The following RBMS1 variants were observed in gnomAD, a reference collection of about 807,000 sequenced individuals.
RBMS1 encodes the protein RNA-binding motif, single-stranded-interacting protein 1.
RBMS1 carries 17 observed loss-of-function variants against 62.3 expected under a neutral mutation model. That is an observed-to-expected ratio of 0.27 (90% confidence interval 0.19 to 0.41). RBMS1 has a LOEUF of 0.41. Ranked by LOEUF, RBMS1 falls within the 10% of genes least tolerant of loss-of-function variation. The pLI is 1.00. For synonymous variants in RBMS1, 172 were observed against 170.0 expected (o/e 1.01, Z -0.09); for missense variants, 334 against 504.5 (o/e 0.66, Z 3.24).
chr2:160,440,599 G>T (rs1683372626), intron 1 of RBMS1, among the ~76,000 whole-genome samples: 1 of 152,050 alleles, frequency 6.6e-6, no homozygotes, highest in African/African-American at 2.4e-5. Flanking sequence ...CTCTAAAATG[G>T]CCTCTCCGGT....
At chr2:160,465,861 CACAT>C (rs1345953937) in intron 1 of RBMS1, among the ~76,000 whole-genome samples, 9 of 112,892 alleles carry the variant, frequency 8.0e-5, no homozygotes, top group East Asian at 6.2e-4. Context: ...CACACACACA[CACAT>C]ACACACACAC....
intron 3 of RBMS1, among the ~76,000 whole-genome samples, chr2:160,315,441 G>A (rs1475673635): frequency 6.6e-6 from 1 of 152,136 alleles, no homozygotes; most frequent in East Asian, 1.9e-4. Flanking sequence ...AGGCTTCCCA[G>A]GAGAATTCCT....
intron 1 of RBMS1, among the ~76,000 whole-genome samples, chr2:160,395,486 T>C (rs1695089000): frequency 6.6e-6 from 1 of 151,716 alleles, no homozygotes; most frequent in African/African-American, 2.4e-5. Flanking sequence ...TAGCCGGGCG[T>C]GGTGGCGGGC....
chr2:160,359,134 T>C (rs1165052586), intron 2 of RBMS1, among the ~76,000 whole-genome samples: 1 of 152,142 alleles, frequency 6.6e-6, no homozygotes, highest in Non-Finnish European at 1.5e-5. Context: ...AGTTCTTCAA[T>C]TTGCTTGGAA....
intron 2 of RBMS1, among the ~76,000 whole-genome samples, chr2:160,326,615 A>G (rs920421258): frequency 6.6e-6 from 1 of 152,222 alleles, no homozygotes; most frequent in Admixed American, 6.5e-5. Flanking sequence ...TGAAATCACA[A>G]GAGCAATTAT....
chr2:160,476,709 T>C (rs1166694983), intron 1 of RBMS1, among the ~76,000 whole-genome samples: 6 of 151,536 alleles, frequency 4.0e-5, no homozygotes, highest in African/African-American at 9.7e-5. Flanking sequence ...CGCCCGCCAC[T>C]ACGCCCGGCT....
chr2:160,367,780 T>C (rs1024480490), intron 1 of RBMS1, among the ~76,000 whole-genome samples: 9 of 152,192 alleles, frequency 5.9e-5, no homozygotes, highest in African/African-American at 1.2e-4. Context: ...GAACGTTTGA[T>C]TGAAAGTTGC....
intron 3 of RBMS1, among the ~76,000 whole-genome samples, chr2:160,317,079 G>T (rs1375192983): frequency 6.6e-6 from 1 of 152,114 alleles, no homozygotes; most frequent in Admixed American, 6.5e-5. Flanking sequence ...CTGTCCCAAG[G>T]CAAAATTGCC....
At chr2:160,448,826 C>T (rs1183701407) in intron 1 of RBMS1, among the ~76,000 whole-genome samples, 2 of 150,922 alleles carry the variant, frequency 1.3e-5, no homozygotes, top group African/African-American at 2.4e-5. Flanking sequence ...TCTTCCCGGC[C>T]GCCATCCTGT....
At chr2:160,476,407 T>C (rs1367501229) in intron 1 of RBMS1, among the ~76,000 whole-genome samples, 1 of 152,154 alleles carries the variant, frequency 6.6e-6, no homozygotes, top group Non-Finnish European at 1.5e-5. Flanking sequence ...AAGCATTTCA[T>C]CACTAAAGAA....
intron 2 of RBMS1, among the ~76,000 whole-genome samples, chr2:160,352,498 C>T (rs1692573699): frequency 1.3e-5 from 2 of 152,070 alleles, no homozygotes; most frequent in Admixed American, 1.3e-4. Flanking sequence ...ATAGGAAATG[C>T]AGGCAAATAT....
intron 1 of RBMS1, among the ~76,000 whole-genome samples, chr2:160,415,130 A>T (rs57249755): frequency 0.025 from 3,795 of 152,166 alleles, 157 homozygotes; most frequent in African/African-American, 0.082. Context: ...CAAATCTAGT[A>T]TGGAGCTGTT....
At chr2:160,442,393 T>C (rs1229297196) in intron 1 of RBMS1, among the ~76,000 whole-genome samples, 3 of 152,212 alleles carry the variant, frequency 2.0e-5, no homozygotes, top group Admixed American at 6.5e-5. Flanking sequence ...TTGCCCATAG[T>C]TTGGGAAATA....
intron 9 of RBMS1, chr2:160,282,336 T>C (rs1484000973): frequency 7.3e-7 from 1 of 1,366,058 alleles, no homozygotes; most frequent in East Asian, 4.5e-5. Context: ...TGCTTCTGCC[T>C]TGTTAACATT....
intron 1 of RBMS1, among the ~76,000 whole-genome samples, chr2:160,450,704 G>A (rs926027985): frequency 6.6e-6 from 1 of 152,024 alleles, no homozygotes; most frequent in Admixed American, 6.6e-5. Flanking sequence ...GTAAAAGCAG[G>A]AAATGCTGTC....
intron 1 of RBMS1, among the ~76,000 whole-genome samples, chr2:160,411,622 T>C (rs1311146716): frequency 6.6e-6 from 1 of 152,228 alleles, no homozygotes; most frequent in Non-Finnish European, 1.5e-5. Flanking sequence ...AGCTTCCCAC[T>C]TGTGCTCTGG....
Position 160,274,040 on chromosome 2 carries a change from C to T in RBMS1, c.*732G>A, listed in dbSNP as rs561394621. The T allele has an allele frequency of 6.5e-6, 1 of 152,724 alleles. No homozygotes were observed. The highest frequency in any genetic ancestry group is 2.1e-4 in the South Asian group (1 of 4,822). 9.5% of individuals were successfully genotyped at this position (152,724 alleles called of 1,614,324 possible). A position where few individuals can be genotyped will look rare whatever the true frequency, so the allele number is the denominator to read the frequency against. On this transcript the variant is annotated 3_prime_UTR_variant, in exon 14 of 14. Transcript: ENST00000348849. ...AATTTCAGCAACTTTTATTGACTACCTTTTAAAAGCCCTATGCTGCTGTTT... is the reference window on the plus strand; with the variant it reads ...AATTTCAGCAACTTTTATTGACTACTTTTTAAAAGCCCTATGCTGCTGTTT...
intron 1 of RBMS1, among the ~76,000 whole-genome samples, chr2:160,405,675 T>C (rs1695662641): frequency 6.6e-6 from 1 of 152,204 alleles, no homozygotes. Flanking sequence ...TCAGCCCTTT[T>C]AGTCTTTGAA....
At chr2:160,417,967 CAA>C (rs1272240682) in intron 1 of RBMS1, among the ~76,000 whole-genome samples, 1 of 152,212 alleles carries the variant, frequency 6.6e-6, no homozygotes, top group Non-Finnish European at 1.5e-5. Flanking sequence ...CCTAATCTCA[CAA>C]AGACATCCAT....
Sources: gnomAD v4.1 joint callset for allele counts (sites outside exome capture counted in the v4.1 genomes callset) on GRCh38, gnomAD v4.1.1 for gene constraint, MANE v1.5 for transcripts, NCBI Gene and HGNC (gene_info 2026-07-23, HGNC 2026-07-21) for gene names.